NIPAL3: variants seen among roughly 807,000 people sequenced by gnomAD.
NIPAL3 encodes the protein NIPA like domain containing 3.
Under a neutral mutation model 47.2 loss-of-function variants are expected in NIPAL3, and 41 were observed. The observed-to-expected ratio is 0.87, with a 90% confidence interval of 0.68 to 1.13. The LOEUF (loss-of-function observed/expected upper bound fraction) is 1.13, where lower values mean the gene tolerates loss of function less well. Ranked by LOEUF, NIPAL3 falls within the 50% of genes most tolerant of loss-of-function variation. The probability of loss-of-function intolerance (pLI) is 0.00; values close to 1 mark genes in which losing one functional copy is unlikely to be tolerated. For missense variants in NIPAL3, 449 were observed against 530.1 expected, an observed-to-expected ratio of 0.85 and a Z score of 1.50; for synonymous variants, 194 against 209.6, an observed-to-expected ratio of 0.93 and a Z score of 0.64.
At chr1:24,430,119 T>C (rs1041427208) in intron 2 of NIPAL3, among the ~76,000 whole-genome samples, 3 of 152,246 alleles carry the variant, frequency 2.0e-5, no homozygotes, top group Admixed American at 6.5e-5. Context: ...AGGTAGAGTT[T>C]AGCATCTATT....
chr1:24,440,306 C>G (rs1645316335), intron 3 of NIPAL3, 66 bp downstream of exon 3: 5 of 1,302,374 alleles, frequency 3.8e-6, no homozygotes, highest in Non-Finnish European at 5.2e-6. Context: ...GTGTCTTATC[C>G]AGGTCCAGCT....
intron 2 of NIPAL3, among the ~76,000 whole-genome samples, chr1:24,429,014 C>T (rs1425253824): frequency 6.6e-6 from 1 of 152,192 alleles, no homozygotes; most frequent in African/African-American, 2.4e-5. Context: ...GTCAACCACT[C>T]ATCTGAGGCC....
intron 2 of NIPAL3, among the ~76,000 whole-genome samples, chr1:24,434,973 A>G (rs1209616907): frequency 6.6e-6 from 1 of 152,230 alleles, no homozygotes. Context: ...AAGAAGAACA[A>G]TGTTGAAGAA....
chr1:24,442,091 C>T lies in NIPAL3; in HGVS notation c.199C>T (p.Pro67Ser), dbSNP rs764409862. 2.5e-6 allele frequency: 4 copies of T among 1,614,128 alleles called. No individual in the cohort carries two copies. Among genetic ancestry groups the T allele is most frequent in the Non-Finnish European group, 3.4e-6 (4 of 1,179,990 alleles). ...CHIRLAGSKDPRAYFKTKTWW... is the reference protein window; with the variant it reads ...CHIRLAGSKDSRAYFKTKTWW... ...CATCCGCCTGGCAGGCTCCAAGGAT[C>T]CCCGGGCCTATTTCAAGACCAAGAC... The change falls in exon 4 of 12, where the codon CCC (proline) becomes TCC (serine). Residue 67 changes from proline to serine, a missense_variant. Physicochemically the swap from Pro to Ser is moderately conservative, Grantham distance 74. Coordinates refer to ENST00000374399, the MANE Select transcript of NIPAL3 (RefSeq NM_020448.5).
intron 2 of NIPAL3, among the ~76,000 whole-genome samples, chr1:24,437,534 A>G (rs906986124): frequency 6.6e-6 from 1 of 152,184 alleles, no homozygotes; most frequent in South Asian, 2.1e-4. Flanking sequence ...GTTGCAAGTA[A>G]CAGAAGCAAG....
intron 3 of NIPAL3, 100 bp downstream of exon 3, chr1:24,440,340 C>T: frequency 2.3e-6 from 2 of 858,436 alleles, no homozygotes; most frequent in South Asian, 4.4e-5. Context: ...AGGGCCTTGC[C>T]TACTGCATCC....
chr1:24,439,029 G>A (rs1329508478), intron 2 of NIPAL3, among the ~76,000 whole-genome samples: 1 of 152,026 alleles, frequency 6.6e-6, no homozygotes, highest in Non-Finnish European at 1.5e-5. Context: ...TAATAGACAC[G>A]GGGGACTCCA....
At chr1:24,422,514 C>T (rs2148750624) in intron 2 of NIPAL3, among the ~76,000 whole-genome samples, 1 of 152,314 alleles carries the variant, frequency 6.6e-6, no homozygotes, top group East Asian at 1.9e-4. Flanking sequence ...TCTCTCCCTG[C>T]CTTCACCCTT....
intron 4 of NIPAL3, among the ~76,000 whole-genome samples, chr1:24,443,167 T>C (rs1407729579): frequency 1.3e-5 from 2 of 152,172 alleles, no homozygotes; most frequent in African/African-American, 4.8e-5. Context: ...TTCAGAACAT[T>C]TGAACCAACT....
chr1:24,420,148 C>T (rs1396559218), intron 2 of NIPAL3: 1 of 151,526 alleles, frequency 6.6e-6, no homozygotes, highest in African/African-American at 2.4e-5. Context: ...AGAGAAACAC[C>T]ATAAAAGGTA....
rs1296114702 is a variant in NIPAL3, at chr1:24,469,708, G to A, written c.*523G>A. On this transcript the variant is annotated 3_prime_UTR_variant, in exon 12 of 12. Transcript: ENST00000374399. Reference sequence around the variant, plus strand: ...AGGCTGGGCCAACCCTGGGTGGAAGGTTCTGACATTTGTGTTTTCAGAAAT... The same window carrying A: ...AGGCTGGGCCAACCCTGGGTGGAAGATTCTGACATTTGTGTTTTCAGAAAT... 2 of 154,394 alleles carry A rather than the reference G, an allele frequency of 1.3e-5. No individual in the cohort carries two copies. The highest frequency in any genetic ancestry group is 1.4e-5 in the Non-Finnish European group (1 of 69,458). 9.6% of individuals were successfully genotyped at this position (154,394 alleles called of 1,614,324 possible).
upstream of NIPAL3, chr1:24,415,692 T>C (rs1246005298): frequency 4.2e-6 from 1 of 236,196 alleles, no homozygotes; most frequent in East Asian, 1.8e-4. Flanking sequence ...CTCCCCGTCC[T>C]CGCAGCCACT....
intron 2 of NIPAL3, among the ~76,000 whole-genome samples, chr1:24,425,516 A>G (rs1312731214): frequency 2.6e-5 from 4 of 152,202 alleles, no homozygotes; most frequent in Non-Finnish European, 5.9e-5. Flanking sequence ...TTACCCCTCA[A>G]GACAGAATTC....
intron 7 of NIPAL3, 35 bp downstream of exon 7, chr1:24,453,539 C>A: frequency 6.8e-7 from 1 of 1,478,522 alleles, no homozygotes; most frequent in Non-Finnish European, 9.4e-7. Flanking sequence ...GTTTTGCCAC[C>A]ACCAAGAAGC....
rs182198378 is a variant in NIPAL3 at position 24,463,542 on chromosome 1, T to C, written c.927-484T>C. Among the ~76,000 whole-genome samples the C allele has an allele frequency of 7.1e-3, 1,086 of 152,182 alleles. 8 individuals are homozygous for C. The highest frequency in any genetic ancestry group is 0.014 in the Middle Eastern group (4 of 294). On this transcript the variant is annotated intron_variant, in intron 10 of 11. Coordinates refer to ENST00000374399, the MANE Select transcript of NIPAL3 (RefSeq NM_020448.5). Reference sequence around the variant, plus strand: ...AAAGTATGCTTGTTTATGTAAGCTATAGGAAAAAGGGAAAAAACAAAACAA... The same window carrying C: ...AAAGTATGCTTGTTTATGTAAGCTACAGGAAAAAGGGAAAAAACAAAACAA...
intron 1 of NIPAL3, among the ~76,000 whole-genome samples, chr1:24,417,294 G>T (rs1186560878): frequency 6.6e-6 from 1 of 152,100 alleles, no homozygotes; most frequent in African/African-American, 2.4e-5. Context: ...AGGGTATTCC[G>T]CAAACACCTC....
chr1:24,455,769 T>C (rs1374381748), intron 7 of NIPAL3, among the ~76,000 whole-genome samples: 9 of 152,228 alleles, frequency 5.9e-5, no homozygotes, highest in African/African-American at 1.9e-4. Context: ...GTGGTTGCCA[T>C]GAGACTGGTA....
intron 2 of NIPAL3, among the ~76,000 whole-genome samples, chr1:24,424,019 G>A (rs1436805285): frequency 6.6e-6 from 1 of 152,206 alleles, no homozygotes; most frequent in Non-Finnish European, 1.5e-5. Flanking sequence ...AAGAATCTAA[G>A]AAAACTCAGA....
rs1644026906 is a variant in NIPAL3 at position 24,416,284 on chromosome 1, G to T, written c.-258+380G>T. On this transcript the variant is annotated intron_variant, in intron 1 of 11. Coordinates refer to ENST00000374399, the MANE Select transcript of NIPAL3 (RefSeq NM_020448.5). The surrounding 1 kb of genome is among the most constrained non-coding windows in gnomAD (Gnocchi z 4.8). ...CTAAGCCCGCTTCTGGAACAGAGGT[G>T]CTGTCTCCTCGAGTTGTAAGTTTCC... 1 of 985,346 alleles carries T rather than the reference G, an allele frequency of 1.0e-6. No individual in the cohort carries two copies. Among genetic ancestry groups the T allele is most frequent in the Non-Finnish European group, 1.2e-6 (1 of 829,950 alleles). The allele number at this position is 985,346 out of a possible 1,614,324, so 61.0% of individuals were successfully genotyped here. A position where few individuals can be genotyped will look rare whatever the true frequency, so the allele number is the denominator to read the frequency against.
Sources: allele counts gnomAD v4.1 joint callset (sites outside exome capture counted in the v4.1 genomes callset), GRCh38; gene constraint gnomAD v4.1.1; non-coding constraint Gnocchi (gnomAD v3.1); transcripts MANE v1.5; gene names NCBI Gene and HGNC (gene_info 2026-07-23, HGNC 2026-07-21).